The following OSTM1 variants were observed in gnomAD, a reference collection of about 807,000 sequenced individuals.
The protein encoded by OSTM1 is osteopetrosis-associated transmembrane protein 1.
OSTM1 carries 26 observed loss-of-function variants against 35.4 expected under a neutral mutation model. The observed-to-expected ratio is 0.73, with a 90% CI of 0.54 to 1.02. The LOEUF (loss-of-function observed/expected upper bound fraction) is 1.02. Ranked by LOEUF, OSTM1 falls within the 50% of genes least tolerant of loss-of-function variation. The pLI is 0.00. For synonymous variants in OSTM1, 181 were observed against 165.0 expected (o/e 1.10, Z -0.75); for missense variants, 366 against 409.6 (o/e 0.89, Z 0.92).
At chr6:108,057,936 G>A (rs182266958) in intron 2 of OSTM1, among the ~76,000 whole-genome samples, 2 of 152,058 alleles carry the variant, frequency 1.3e-5, no homozygotes, top group African/African-American at 4.8e-5. Flanking sequence ...TAAGTGAAGT[G>A]GTCATTATGA....
chr6:108,047,160 A>C (rs1771990731), intron 5 of OSTM1, among the ~76,000 whole-genome samples: 1 of 152,258 alleles, frequency 6.6e-6, no homozygotes, highest in Non-Finnish European at 1.5e-5. Flanking sequence ...AAGACGGCAC[A>C]GAAGAACAAA....
chr6:108,057,272 C>T (rs891642144), intron 2 of OSTM1, among the ~76,000 whole-genome samples: 2 of 151,966 alleles, frequency 1.3e-5, no homozygotes, highest in South Asian at 2.1e-4. Flanking sequence ...TGAAGTAGCC[C>T]GCAATCCTTT....
intron 1 of OSTM1, among the ~76,000 whole-genome samples, chr6:108,065,766 A>G (rs1032426039): frequency 1.3e-5 from 2 of 152,204 alleles, no homozygotes; most frequent in African/African-American, 4.8e-5. Flanking sequence ...GCCAACCTGA[A>G]GTGCTCTAAG....
At chr6:108,048,768 T>C (rs1228210029) in intron 5 of OSTM1, among the ~76,000 whole-genome samples, 1 of 145,666 alleles carries the variant, frequency 6.9e-6, no homozygotes, top group East Asian at 2.1e-4. Flanking sequence ...TTTTTTTTTT[T>C]TTTGAGACAG....
chr6:108,052,818 G>C lies in OSTM1; in HGVS notation c.616-1620C>G, dbSNP rs77299653. On this transcript the variant is annotated intron_variant, in intron 3 of 5. Transcript: ENST00000193322. Reference sequence around the variant, plus strand: ...AAGAAATCCTTTCACGCCCTTCATTGCAACTCCTGCTTTCACATGGTTTAT... The same window carrying C: ...AAGAAATCCTTTCACGCCCTTCATTCCAACTCCTGCTTTCACATGGTTTAT... Among the ~76,000 whole-genome samples, 1,399 of 152,212 alleles carry C rather than the reference G, an allele frequency of 9.2e-3. 56 individuals carry two copies. Among genetic ancestry groups the C allele is most frequent in the Admixed American group, 0.064 (974 of 15,284 alleles).
intron 5 of OSTM1, among the ~76,000 whole-genome samples, chr6:108,049,012 A>G (rs1028718690): frequency 6.6e-6 from 1 of 151,858 alleles, no homozygotes; most frequent in Non-Finnish European, 1.5e-5. Flanking sequence ...CATCCTCCCA[A>G]AGTGCTGGGA....
intron 3 of OSTM1, among the ~76,000 whole-genome samples, chr6:108,052,995 T>C (rs1772105958): frequency 6.6e-6 from 1 of 152,182 alleles, no homozygotes; most frequent in African/African-American, 2.4e-5. Context: ...TGTGAACCTC[T>C]CCCTTTTTGC....
intron 2 of OSTM1, among the ~76,000 whole-genome samples, chr6:108,060,415 T>C (rs1212450256): frequency 6.6e-6 from 1 of 152,208 alleles, no homozygotes; most frequent in Non-Finnish European, 1.5e-5. Context: ...TAGTGAAATC[T>C]TTTTTACAAA....
At chr6:108,065,943 C>A (rs1453656692) in intron 1 of OSTM1, among the ~76,000 whole-genome samples, 1 of 151,594 alleles carries the variant, frequency 6.6e-6, no homozygotes, top group Non-Finnish European at 1.5e-5. Flanking sequence ...GGAAAGAGTT[C>A]ATGAAGGAAG....
chr6:108,042,757 C>A lies in OSTM1; in HGVS notation c.*2028G>T, dbSNP rs1430670480. 1 of 152,084 alleles carries A rather than the reference C, an allele frequency of 6.6e-6. No homozygotes were observed. Among genetic ancestry groups the A allele is most frequent in the Non-Finnish European group, 1.5e-5 (1 of 68,006 alleles). The allele number at this position is 152,084 out of a possible 1,614,324, so 9.4% of individuals were successfully genotyped here. A position where few individuals can be genotyped will look rare whatever the true frequency, so the allele number is the denominator to read the frequency against. On this transcript the variant is annotated 3_prime_UTR_variant, in exon 6 of 6. Coordinates refer to ENST00000193322, the MANE Select transcript of OSTM1 (RefSeq NM_014028.4). ...GCATCTAAACTCAATACCTGAAAAACAAATGTGATGTTAAATTACATCTGA... is the reference window on the plus strand; with the variant it reads ...GCATCTAAACTCAATACCTGAAAAAAAAATGTGATGTTAAATTACATCTGA...
chr6:108,057,202 C>T lies in OSTM1; in HGVS notation c.518-2615G>A, dbSNP rs149410667. Among the ~76,000 whole-genome samples the T allele has an allele frequency of 6.2e-3, 945 of 152,298 alleles. 9 individuals are homozygous for T. Among genetic ancestry groups the T allele is most frequent in the African/African-American group, 0.013 (551 of 41,570 alleles). On this transcript the variant is annotated intron_variant, in intron 2 of 5. Coordinates refer to ENST00000193322, the MANE Select transcript of OSTM1 (RefSeq NM_014028.4). The stretch of plus-strand genomic sequence containing the variant: ...TGTGATTGCGCCACTGCATTCCAAC[C>T]TGCATGAAAGAGTAAGAACTTGTCT...
At chr6:108,061,682 T>C (rs1034772086) in intron 2 of OSTM1, among the ~76,000 whole-genome samples, 11 of 151,638 alleles carry the variant, frequency 7.3e-5, no homozygotes, top group Admixed American at 1.3e-4. Flanking sequence ...TTTGCCACCA[T>C]GCCCAGCTAA....
rs2114616788 is a variant in OSTM1, at chr6:108,074,647, T to C, written c.5A>G (p.Glu2Gly). The stretch of plus-strand genomic sequence containing the variant: ...CCGCTGCGCGGCTGTCGGGCCCGGC[T>C]CCATCACCGGGCTCACACACCCCAG... Reference protein sequence around the residue: MEPGPTAAQRRC... With the variant: MGPGPTAAQRRC... Residue 2 changes from glutamate (E) to glycine (G), a missense_variant, in exon 1 of 6, where the codon GAG (glutamate) becomes GGG (glycine). Transcript: ENST00000193322. 1 of 1,545,058 alleles carries C rather than the reference T, an allele frequency of 6.5e-7. No homozygotes were observed. The highest frequency in any genetic ancestry group is 8.7e-7 in the Non-Finnish European group (1 of 1,152,398).
chr6:108,057,895 T>C (rs1481461437), intron 2 of OSTM1, among the ~76,000 whole-genome samples: 3 of 152,138 alleles, frequency 2.0e-5, no homozygotes, highest in African/African-American at 4.8e-5. Context: ...AGTTAAAGAA[T>C]ATTAATAATA....
At chr6:108,062,535 C>CTTTTTTTTTTTTTTTTTT in intron 2 of OSTM1, among the ~76,000 whole-genome samples, 1 of 131,076 alleles carries the variant, frequency 7.6e-6, no homozygotes, top group African/African-American at 2.8e-5. Flanking sequence ...CTTTTCTTTT[C>CTTTTTTTTTTTTTTTTTT]TTTTTTTTTT....
intron 5 of OSTM1, among the ~76,000 whole-genome samples, chr6:108,047,058 A>T (rs1390604154): frequency 6.6e-6 from 1 of 152,246 alleles, no homozygotes; most frequent in Non-Finnish European, 1.5e-5. Context: ...CAGGGAAGAC[A>T]AACAAATAAA....
At chr6:108,062,309 T>G (rs6936281) in intron 2 of OSTM1, among the ~76,000 whole-genome samples, 62,094 of 151,938 alleles carry the variant, frequency 0.41, 14,287 homozygotes, top group African/African-American at 0.59. Flanking sequence ...GCTGCACAAA[T>G]GGATGATTCG....
chr6:108,059,172 A>G (rs997417295), intron 2 of OSTM1, among the ~76,000 whole-genome samples: 2 of 152,236 alleles, frequency 1.3e-5, no homozygotes, highest in Non-Finnish European at 2.9e-5. Context: ...TAACTGCTGT[A>G]TGCACAAGAT....
chr6:108,058,644 G>C (rs1376982595), intron 2 of OSTM1, among the ~76,000 whole-genome samples: 2 of 152,130 alleles, frequency 1.3e-5, no homozygotes, highest in Non-Finnish European at 2.9e-5. Context: ...CGGGCGTGGT[G>C]GTGGGCACCT....
Sources: gnomAD v4.1 joint callset for allele counts (sites outside exome capture counted in the v4.1 genomes callset) on GRCh38, gnomAD v4.1.1 for gene constraint, MANE v1.5 for transcripts, NCBI Gene and HGNC (gene_info 2026-07-23, HGNC 2026-07-21) for gene names.